The following KLF8 variants were observed in gnomAD, a reference collection of about 807,000 sequenced individuals.
KLF8 encodes KLF transcription factor 8.
A neutral mutation model predicts 18.2 loss-of-function variants in KLF8; 10 were observed. That is an observed-to-expected ratio of 0.55 (90% CI 0.34 to 0.93). The LOEUF (loss-of-function observed/expected upper bound fraction) is 0.93. Ranked by LOEUF, KLF8 falls within the 40% of genes least tolerant of loss-of-function variation. KLF8 has a pLI of 0.02. For synonymous variants in KLF8, 109 were observed against 97.3 expected (o/e 1.12, Z -0.71); for missense variants, 264 against 277.9 (o/e 0.95, Z 0.36).
chrX:56,176,636 T>C, the KLF8 span, among the ~76,000 whole-genome samples: 2 of 111,230 alleles, frequency 1.8e-5, no homozygotes, highest in Non-Finnish European at 3.8e-5. Flanking sequence ...TTTCCTGAAT[T>C]TGAATGTTTG....
chrX:56,138,468 C>T, the KLF8 span, among the ~76,000 whole-genome samples: 5 of 111,451 alleles, frequency 4.5e-5, no homozygotes, highest in Non-Finnish European at 7.5e-5. Flanking sequence ...GCTCATCCAC[C>T]ATAATCAAGT....
At chrX:56,183,325 A>G in the KLF8 span, among the ~76,000 whole-genome samples, 1 of 112,132 alleles carries the variant, frequency 8.9e-6, no homozygotes, top group Non-Finnish European at 1.9e-5. Flanking sequence ...GGAAAAGTGC[A>G]GTATTAGGGT....
chrX:56,030,444 A>G, the KLF8 span, among the ~76,000 whole-genome samples: 1 of 111,694 alleles, frequency 9.0e-6, no homozygotes, highest in African/African-American at 3.3e-5. Flanking sequence ...AGTCTGTATA[A>G]TAGTTTGGAG....
chrX:55,918,415 A>G, the KLF8 span, among the ~76,000 whole-genome samples: 1 of 112,282 alleles, frequency 8.9e-6, no homozygotes, highest in Non-Finnish European at 1.9e-5. Flanking sequence ...ATTGCCATCC[A>G]ATCCTGATAC....
the KLF8 span, among the ~76,000 whole-genome samples, chrX:55,949,748 G>A: frequency 9.3e-6 from 1 of 107,930 alleles, no homozygotes; most frequent in Admixed American, 1.0e-4. Context: ...CCAAGATTGC[G>A]CCACTGCACT....
chrX:56,265,264 C>T lies in KLF8; in HGVS notation c.166C>T (p.Pro56Ser). 1 of 1,208,444 alleles carries T rather than the reference C, an allele frequency of 8.3e-7. No homozygotes were observed. Among genetic ancestry groups the T allele is most frequent in the Non-Finnish European group, 1.1e-6 (1 of 893,431 alleles). ...TTCTCCAACACTCCTGGATGCCAAC[C>T]CCATGGAGAACCCAGCACTGTTTAA... ...MTSPTLLDAN[P>S]MENPALFNDI... Residue 56 changes from proline (P) to serine (S), a missense_variant, in exon 3 of 6, where the codon CCC becomes TCC. Physicochemically the swap from Pro to Ser is moderately conservative, Grantham distance 74 (BLOSUM62 -1). Transcript: ENST00000468660.
the KLF8 span, among the ~76,000 whole-genome samples, chrX:55,941,497 A>G: frequency 8.9e-6 from 1 of 112,082 alleles, no homozygotes; most frequent in African/African-American, 3.2e-5. Context: ...AAGCAATGGC[A>G]ACAAAAGCCA....
the KLF8 span, among the ~76,000 whole-genome samples, chrX:56,215,329 C>G: frequency 9.0e-6 from 1 of 111,454 alleles, no homozygotes; most frequent in Non-Finnish European, 1.9e-5. Context: ...GTTTCTTGGA[C>G]AAAAGATAAA....
the KLF8 span, among the ~76,000 whole-genome samples, chrX:56,161,289 G>A: frequency 9.0e-6 from 1 of 111,261 alleles, no homozygotes; most frequent in East Asian, 2.8e-4. Flanking sequence ...CCCTTTGTGG[G>A]TAACCCGACC....
the KLF8 span, among the ~76,000 whole-genome samples, chrX:56,041,112 C>T: frequency 9.3e-6 from 1 of 107,953 alleles, no homozygotes; most frequent in African/African-American, 3.3e-5. Context: ...ATGACATCCG[C>T]TTTATCCTTT....
the KLF8 span, among the ~76,000 whole-genome samples, chrX:55,948,468 T>C: frequency 4.7e-3 from 522 of 112,235 alleles, 3 homozygotes; most frequent in Middle Eastern, 0.019. Flanking sequence ...ACCTGATTTA[T>C]TCCCAATTAA....
At chrX:56,005,921 T>A in the KLF8 span, among the ~76,000 whole-genome samples, 1 of 111,997 alleles carries the variant, frequency 8.9e-6, no homozygotes, top group Non-Finnish European at 1.9e-5. Flanking sequence ...ATGAGGACCC[T>A]TTGGAAGCAC....
At chrX:56,154,006 C>G in the KLF8 span, among the ~76,000 whole-genome samples, 1 of 111,093 alleles carries the variant, frequency 9.0e-6, no homozygotes, top group Admixed American at 9.6e-5. Context: ...CCATACTGCC[C>G]AAGGTAATCT....
the KLF8 span, among the ~76,000 whole-genome samples, chrX:55,930,611 C>T: frequency 1.3e-4 from 14 of 111,940 alleles, no homozygotes; most frequent in East Asian, 3.6e-3. Context: ...TGCATTTTAT[C>T]GAAGGCTTTT....
the KLF8 span, among the ~76,000 whole-genome samples, chrX:56,104,701 T>A: frequency 9.0e-6 from 1 of 111,642 alleles, no homozygotes; most frequent in Non-Finnish European, 1.9e-5. Context: ...GGGTTTTTTG[T>A]GTCTCTATCT....
the KLF8 span, among the ~76,000 whole-genome samples, chrX:56,180,211 T>C: frequency 8.9e-6 from 1 of 111,848 alleles, no homozygotes; most frequent in African/African-American, 3.2e-5. Context: ...CTTCGGAAGG[T>C]GTATATGTCC....
At chrX:56,275,526 C>A (rs752835003) in intron 5 of KLF8, among the ~76,000 whole-genome samples, 1 of 111,524 alleles carries the variant, frequency 9.0e-6, no homozygotes, top group South Asian at 3.8e-4. Flanking sequence ...GGTAGGACTT[C>A]CTGTACCATG....
the KLF8 span, among the ~76,000 whole-genome samples, chrX:56,173,530 C>T: frequency 1.3e-4 from 15 of 111,785 alleles, no homozygotes; most frequent in African/African-American, 2.9e-4. Context: ...AGTCAGGTAG[C>T]GTGATGCCTC....
At chrX:56,112,984 G>T in the KLF8 span, among the ~76,000 whole-genome samples, 5 of 110,667 alleles carry the variant, frequency 4.5e-5, no homozygotes, top group East Asian at 2.8e-4. Flanking sequence ...AGGCCAAGGA[G>T]TGGGGATCAC....
Sources: gnomAD v4.1 joint callset for allele counts (sites outside exome capture counted in the v4.1 genomes callset) on GRCh38, gnomAD v4.1.1 for gene constraint, MANE v1.5 for transcripts, NCBI Gene and HGNC (gene_info 2026-07-23, HGNC 2026-07-21) for gene names.